FRMD3: variants seen among roughly 807,000 people sequenced by gnomAD.
FRMD3 encodes the protein FERM domain-containing protein 3.
In FRMD3, 33 loss-of-function variants were observed where a neutral mutation model predicts 70.2. The observed-to-expected ratio is 0.47, with a 90% CI of 0.36 to 0.63. FRMD3 has a LOEUF of 0.63. FRMD3 is among the 20% of genes least tolerant of loss of function. FRMD3 has a pLI of 0.00. For synonymous variants in FRMD3, 279 were observed against 255.9 expected, an observed-to-expected ratio of 1.09 and a Z score of -0.86; for missense variants, 632 against 711.4, an observed-to-expected ratio of 0.89 and a Z score of 1.27.
intron 3 of FRMD3, among the ~76,000 whole-genome samples, chr9:83,358,305 C>T (rs1824469829): frequency 1.3e-5 from 2 of 152,150 alleles, no homozygotes; most frequent in African/African-American, 4.8e-5. Flanking sequence ...TATTTTTATA[C>T]CAGTACCATG....
the FRMD3 span, among the ~76,000 whole-genome samples, chr9:83,544,638 T>C: frequency 6.6e-6 from 1 of 152,250 alleles, no homozygotes; most frequent in South Asian, 2.1e-4. Context: ...TGACTCAGTG[T>C]ACAGCACTAG....
intron 6 of FRMD3, among the ~76,000 whole-genome samples, chr9:83,332,837 G>GGTGTTGT (rs1368793268): frequency 6.6e-6 from 1 of 152,196 alleles, no homozygotes; most frequent in Admixed American, 6.5e-5. Flanking sequence ...CTAAGTGGGA[G>GGTGTTGT]GGTCACGGGT....
the FRMD3 span, among the ~76,000 whole-genome samples, chr9:83,558,755 G>A: frequency 3.1e-4 from 47 of 152,174 alleles, no homozygotes; most frequent in African/African-American, 1.1e-3. Flanking sequence ...TGATTCATGG[G>A]AGGAGGTCAA....
intron 13 of FRMD3, among the ~76,000 whole-genome samples, chr9:83,289,457 G>A (rs929818390): frequency 6.6e-6 from 1 of 152,160 alleles, no homozygotes; most frequent in African/African-American, 2.4e-5. Context: ...CAGTTGCCTA[G>A]TTCTCCTTCT....
At chr9:83,305,476 A>G (rs1157379009) in intron 10 of FRMD3, among the ~76,000 whole-genome samples, 1 of 152,234 alleles carries the variant, frequency 6.6e-6, no homozygotes, top group Non-Finnish European at 1.5e-5. Context: ...CCACACTGCT[A>G]TAAATGACAG....
At chr9:83,469,888 G>A (rs899898040) in intron 1 of FRMD3, among the ~76,000 whole-genome samples, 3 of 152,206 alleles carry the variant, frequency 2.0e-5, no homozygotes. Flanking sequence ...GCAGCTGCTG[G>A]TCCACTAGTT....
Position 83,507,684 on chromosome 9 carries a change from ATACATACATAT to A in FRMD3, c.147+30390_147+30400del. ...AACTCCGTCTCAAACAAAAAAAAAT[ATACATACATAT>A]ATATATATATATATATATATATATA... On this transcript the variant is annotated intron_variant, in intron 1 of 13. Coordinates refer to ENST00000304195, the MANE Select transcript of FRMD3 (RefSeq NM_174938.6). 6.4e-5 allele frequency among the ~76,000 whole-genome samples: 2 copies of A among 31,404 alleles called. 1 individual carries two copies. Among genetic ancestry groups the A allele is most frequent in the Non-Finnish European group, 1.1e-4 (2 of 18,712 alleles). 20.6% of individuals were successfully genotyped at this position (31,404 alleles called of 152,430 possible). A position where few individuals can be genotyped will look rare whatever the true frequency, so the allele number is the denominator to read the frequency against.
At chr9:83,514,436 T>C (rs139650202) in intron 1 of FRMD3, among the ~76,000 whole-genome samples, 2 of 152,298 alleles carry the variant, frequency 1.3e-5, no homozygotes, top group African/African-American at 4.8e-5. Context: ...GGGCAGGCCA[T>C]CTCTGAAAGA....
intron 11 of FRMD3, 70 bp from the exon 12 acceptor site, chr9:83,298,886 T>G: frequency 6.9e-7 from 1 of 1,459,376 alleles, no homozygotes; most frequent in Non-Finnish European, 9.6e-7. Context: ...TGCACAAGTG[T>G]CCTTTTGTTA....
At position 83,245,058 on chromosome 9, in the gene FRMD3, G is replaced by T. The variant is rs1050317151; in HGVS notation, c.*2860C>A. On this transcript the variant is annotated 3_prime_UTR_variant, in exon 14 of 14. Transcript: ENST00000304195. ...AAAATTTAACCCTTTCAGGCTGTGGGTTTTACCCACCATAGTATCTGAGAG... is the reference window on the plus strand; with the variant it reads ...AAAATTTAACCCTTTCAGGCTGTGGTTTTTACCCACCATAGTATCTGAGAG... 2.0e-6 allele frequency: 2 copies of T among 985,204 alleles called. No homozygotes were observed. Among genetic ancestry groups the T allele is most frequent in the African/African-American group, 3.5e-5 (2 of 57,206 alleles). The allele number at this position is 985,204 out of a possible 1,614,324, so 61.0% of individuals were successfully genotyped here. A position where few individuals can be genotyped will look rare whatever the true frequency, so the allele number is the denominator to read the frequency against.
Position 83,443,328 on chromosome 9 carries a change from C to A in FRMD3, c.148-53620G>T, listed in dbSNP as rs913074073. Among the ~76,000 whole-genome samples the A allele has an allele frequency of 2.0e-4, 31 of 152,278 alleles. 1 individual carries two copies. Among genetic ancestry groups the A allele is most frequent in the Non-Finnish European group, 4.4e-4 (30 of 68,028 alleles). ...ACAACAGGCCCCAGTATGTGATGTACCCCGCCCTGTATCGAAGTGTTCTCA... is the reference window on the plus strand; with the variant it reads ...ACAACAGGCCCCAGTATGTGATGTAACCCGCCCTGTATCGAAGTGTTCTCA... On this transcript the variant is annotated intron_variant, in intron 1 of 13. Transcript: ENST00000304195.
the FRMD3 span, among the ~76,000 whole-genome samples, chr9:83,547,156 T>C: frequency 6.7e-6 from 1 of 150,134 alleles, no homozygotes; most frequent in Non-Finnish European, 1.5e-5. Context: ...TTTAAATCAA[T>C]ATTTTAAGTC....
At chr9:83,498,063 G>A (rs912023988) in intron 1 of FRMD3, among the ~76,000 whole-genome samples, 22 of 152,104 alleles carry the variant, frequency 1.4e-4, no homozygotes, top group African/African-American at 4.6e-4. Context: ...CAGGAGAATC[G>A]CTTGAACCCA....
At chr9:83,296,323 C>T (rs1003300752) in intron 12 of FRMD3, among the ~76,000 whole-genome samples, 3 of 152,164 alleles carry the variant, frequency 2.0e-5, no homozygotes, top group Admixed American at 6.5e-5. Flanking sequence ...GTCCCCGGGG[C>T]AGCACCTTGG....
chr9:83,541,836 A>G (rs1409520015), upstream of FRMD3, among the ~76,000 whole-genome samples: 2 of 152,302 alleles, frequency 1.3e-5, no homozygotes, highest in Admixed American at 6.5e-5. Context: ...AGGACAAACA[A>G]GATTTCTACA....
At chr9:83,250,300 G>C (rs1259265715) in intron 13 of FRMD3, among the ~76,000 whole-genome samples, 1 of 152,162 alleles carries the variant, frequency 6.6e-6, no homozygotes. Flanking sequence ...TGCGGATCAG[G>C]AGATGCCCTT....
At chr9:83,506,684 C>T (rs746619844) in intron 1 of FRMD3, among the ~76,000 whole-genome samples, 6 of 152,156 alleles carry the variant, frequency 3.9e-5, no homozygotes, top group Non-Finnish European at 7.4e-5. Context: ...ACACTGTACA[C>T]TTAGGCTACA....
rs577799895 is a variant in FRMD3 at position 83,460,941 on chromosome 9, A to G, written c.148-71233T>C. Among the ~76,000 whole-genome samples the G allele has an allele frequency of 2.9e-3, 421 of 145,080 alleles. 1 individual carries two copies. The highest frequency in any genetic ancestry group is 4.9e-3 in the Non-Finnish European group (323 of 66,182). Reference sequence around the variant, plus strand: ...TACACATTTCTGAGGAGGCAGCAGGAAAAAAAAAAACAGCCCCTGAGCTCT... The same window carrying G: ...TACACATTTCTGAGGAGGCAGCAGGGAAAAAAAAAACAGCCCCTGAGCTCT... On this transcript the variant is annotated intron_variant, in intron 1 of 13. Coordinates refer to ENST00000304195, the MANE Select transcript of FRMD3 (RefSeq NM_174938.6).
chr9:83,469,279 C>A (rs1030982473), intron 1 of FRMD3, among the ~76,000 whole-genome samples: 1 of 152,210 alleles, frequency 6.6e-6, no homozygotes, highest in African/African-American at 2.4e-5. Flanking sequence ...TGCTGAGGGT[C>A]TGCTATTCAG....
Sources: allele counts gnomAD v4.1 joint callset (sites outside exome capture counted in the v4.1 genomes callset), GRCh38; gene constraint gnomAD v4.1.1; transcripts MANE v1.5; gene names NCBI Gene and HGNC (gene_info 2026-07-23, HGNC 2026-07-21).